Variants in ALKBH4 observed in about 807,000 individuals in gnomAD.
ALKBH4 encodes alpha-ketoglutarate-dependent dioxygenase alkB homolog 4.
In ALKBH4, 8 loss-of-function variants were observed where a neutral mutation model predicts 12.1. That is an observed-to-expected ratio of 0.66 (90% CI 0.39 to 1.19). ALKBH4 has a LOEUF of 1.19. ALKBH4 is among the 50% of genes most tolerant of loss of function. The pLI, the probability that ALKBH4 is intolerant of heterozygous loss-of-function variation, is 0.01. For synonymous variants in ALKBH4, 195 were observed against 191.6 expected, an observed-to-expected ratio of 1.02 and a Z score of -0.15; for missense variants, 403 against 430.4, an observed-to-expected ratio of 0.94 and a Z score of 0.56.
intron 1 of ALKBH4, among the ~76,000 whole-genome samples, chr7:102,461,894 C>T (rs550441836): frequency 6.6e-6 from 1 of 152,230 alleles, no homozygotes; most frequent in East Asian, 1.9e-4. Flanking sequence ...TCCTCTTCCT[C>T]TTCCATCTCC....
At chr7:102,461,195 G>C (rs1474051392) in intron 1 of ALKBH4, among the ~76,000 whole-genome samples, 15 of 151,936 alleles carry the variant, frequency 9.9e-5, no homozygotes, top group Admixed American at 9.8e-4. Context: ...AAACTAGCCG[G>C]GCGTCGTGGT....
intron 1 of ALKBH4, among the ~76,000 whole-genome samples, chr7:102,461,467 TCTC>T (rs1797792532): frequency 6.6e-6 from 1 of 152,024 alleles, no homozygotes; most frequent in African/African-American, 2.4e-5. Flanking sequence ...TTCAAGCGAT[TCTC>T]CTGCCTCAAC....
At position 102,464,851 on chromosome 7, in the gene ALKBH4, G is replaced by C; in HGVS notation, c.-15C>G. ...GCCGCCGCCATCGCGCCGTCCGCGT[G>C]GCCAGTGCGCAGGCGCGGCCGTGGG... On this transcript the variant is annotated 5_prime_UTR_variant, in exon 1 of 3. Coordinates refer to ENST00000292566, the MANE Select transcript of ALKBH4 (RefSeq NM_017621.4). The C allele has an allele frequency of 6.7e-7, 1 of 1,497,238 alleles. No individual in the cohort carries two copies. Among genetic ancestry groups the C allele is most frequent in the Non-Finnish European group, 8.9e-7 (1 of 1,128,482 alleles). 92.7% of individuals were successfully genotyped at this position (1,497,238 alleles called of 1,614,324 possible). A position where few individuals can be genotyped will look rare whatever the true frequency, so the allele number is the denominator to read the frequency against.
chr7:102,463,301 AT>A (rs1797843300), intron 1 of ALKBH4, among the ~76,000 whole-genome samples: 1 of 121,228 alleles, frequency 8.2e-6, no homozygotes, highest in South Asian at 2.6e-4. Context: ...TATGCACCAC[AT>A]TTTGTGGATC....
In ALKBH4 at chr7:102,457,695, A is replaced by G; in HGVS notation, c.608T>C (p.Leu203Pro). ...MCREAPGSLL[L>P]CSAPSAAPEA... ...CGGGGCAGCCGACGGGGCCGAGCAG[A>G]GGAGCAGGCTCCCGGGCGCCTCCCG... Residue 203 changes from leucine to proline, a missense_variant, in exon 3 of 3, where the codon CTC (leucine) becomes CCC (proline). Physicochemically the swap from Leu to Pro is moderately conservative, Grantham distance 98 (BLOSUM62 -3). Transcript: ENST00000292566. This position sits in a 1 kb window ranked among gnomAD's most constrained non-coding sequence, Gnocchi z 5.9. 1.5e-5 allele frequency: 24 copies of G among 1,557,112 alleles called. No individual in the cohort carries two copies. The highest frequency in any genetic ancestry group is 2.1e-5 in the Non-Finnish European group (24 of 1,155,758).
rs974837871 is a variant in ALKBH4 at position 102,457,340 on chromosome 7, T to C, written c.*54A>G. ...CCGTGAGTTGCAGGAGGCCCTGTTC[T>C]GTGCTCCTCATTTCAATCCCGGGAT... On this transcript the variant is annotated 3_prime_UTR_variant, in exon 3 of 3. Coordinates refer to ENST00000292566, the MANE Select transcript of ALKBH4 (RefSeq NM_017621.4). The surrounding 1 kb of genome is among the most constrained non-coding windows in gnomAD (Gnocchi z 5.9). 4.5e-6 allele frequency: 7 copies of C among 1,549,134 alleles called. No individual in the cohort carries two copies. Among genetic ancestry groups the C allele is most frequent in the Admixed American group, 3.5e-5 (2 of 57,692 alleles).
intron 1 of ALKBH4, 125 bp downstream of exon 1, chr7:102,464,589 C>T (rs1797893153): frequency 1.5e-6 from 2 of 1,346,374 alleles, no homozygotes; most frequent in Non-Finnish European, 1.9e-6. Context: ...CCTCACCCTG[C>T]ATCACCCCTA....
In ALKBH4 at chr7:102,457,587, C is replaced by G. The variant is rs754992172; in HGVS notation, c.716G>C (p.Arg239Pro). ...EVEVAIPLPA[R>P]SLLVLTGAAR... Reference sequence around the variant, plus strand: ...CGCCCCGGTGAGGACCAGCAGGGAGCGGGCGGGTAAGGGGATGGCCACCTC... The same window carrying G: ...CGCCCCGGTGAGGACCAGCAGGGAGGGGGCGGGTAAGGGGATGGCCACCTC... Residue 239 changes from arginine to proline, a missense_variant, in exon 3 of 3, where the codon CGC becomes CCC. Arg to Pro is a moderately radical substitution (Grantham distance 103). Coordinates refer to ENST00000292566, the MANE Select transcript of ALKBH4 (RefSeq NM_017621.4). The surrounding 1 kb of genome is among the most constrained non-coding windows in gnomAD (Gnocchi z 5.9). The G allele has an allele frequency of 6.2e-7, 1 of 1,605,932 alleles. No individual in the cohort carries two copies. Among genetic ancestry groups the G allele is most frequent in the South Asian group, 1.1e-5 (1 of 90,888 alleles).
chr7:102,462,855 CACA>C (rs1340273208), intron 1 of ALKBH4, among the ~76,000 whole-genome samples: 1 of 152,048 alleles, frequency 6.6e-6, no homozygotes, highest in Non-Finnish European at 1.5e-5. Context: ...ACGTAGCTCA[CACA>C]ACAGGAATCA....
Position 102,459,773 on chromosome 7 carries a change from T to C in ALKBH4, c.152A>G (p.Asp51Gly). The C allele has an allele frequency of 6.2e-7, 1 of 1,609,910 alleles. No individual in the cohort carries two copies. Among genetic ancestry groups the C allele is most frequent in the Non-Finnish European group, 8.5e-7 (1 of 1,178,204 alleles). The change falls in exon 2 of 3, where the codon GAC (aspartate) becomes GGC (glycine). Residue 51 changes from aspartate (D) to glycine (G), a missense_variant. By Grantham distance (94) the Asp-to-Gly change is moderately conservative (BLOSUM62 -1). Transcript: ENST00000292566. ...CTCTGTGCCCACGGCCCAGCCGGTG[T>C]CGGAGCAGTAAATGAAACGGTATGT... The part of the protein sequence containing the change: ...AKTYRFIYCS[D>G]TGWAVGTEES...
intron 1 of ALKBH4, among the ~76,000 whole-genome samples, chr7:102,462,822 C>T (rs1364407602): frequency 1.3e-5 from 2 of 152,326 alleles, no homozygotes; most frequent in East Asian, 3.9e-4. Context: ...AACCCTTCTA[C>T]TTTCTGTCCC....
rs1287580889 is a variant in ALKBH4, at chr7:102,457,577, C to T, written c.726G>A (p.Leu242=). The stretch of plus-strand genomic sequence containing the variant: ...GGTGCCGTGCCGCCCCGGTGAGGAC[C>T]AGCAGGGAGCGGGCGGGTAAGGGGA... ...VAIPLPARSL[L]VLTGAARHQW... Residue 242 remains leucine (L), a synonymous_variant, in exon 3 of 3, where the codon CTG becomes CTA. Coordinates refer to ENST00000292566, the MANE Select transcript of ALKBH4 (RefSeq NM_017621.4). The surrounding 1 kb of genome is among the most constrained non-coding windows in gnomAD (Gnocchi z 5.9). 3.1e-6 allele frequency: 5 copies of T among 1,608,476 alleles called. No homozygotes were observed. Among genetic ancestry groups the T allele is most frequent in the Non-Finnish European group, 4.2e-6 (5 of 1,179,594 alleles).
intron 1 of ALKBH4, among the ~76,000 whole-genome samples, chr7:102,464,236 C>T (rs953312691): frequency 1.3e-5 from 2 of 152,168 alleles, no homozygotes; most frequent in Non-Finnish European, 2.9e-5. Flanking sequence ...CTCTGTCGCC[C>T]AGGCTGAAGT....
Position 102,457,277 on chromosome 7 carries a change from C to T in ALKBH4, c.*117G>A. 1 of 1,226,784 alleles carries T rather than the reference C, an allele frequency of 8.2e-7. No individual in the cohort carries two copies. The allele number at this position is 1,226,784 out of a possible 1,614,324, so 76.0% of individuals were successfully genotyped here. The stretch of plus-strand genomic sequence containing the variant: ...CTGCTCCTGGGCAGGGCTCACACTG[C>T]TCACAGCATCAGGGGTCAGCCATCT... On this transcript the variant is annotated 3_prime_UTR_variant, in exon 3 of 3. Coordinates refer to ENST00000292566, the MANE Select transcript of ALKBH4 (RefSeq NM_017621.4). The surrounding 1 kb of genome is among the most constrained non-coding windows in gnomAD (Gnocchi z 5.9).
rs183857380 is a variant in ALKBH4, at chr7:102,464,225, G to C, written c.123+489C>G. Among the ~76,000 whole-genome samples, 118 of 152,152 alleles carry C rather than the reference G, an allele frequency of 7.8e-4. 1 individual carries two copies. Among genetic ancestry groups the C allele is most frequent in the African/African-American group, 2.8e-3 (117 of 41,492 alleles). On this transcript the variant is annotated intron_variant, in intron 1 of 2. Transcript: ENST00000292566. ...TTTTCTTTTTGTGAGACAGAGTCTC[G>C]CTCTGTCGCCCAGGCTGAAGTGAGG...
intron 1 of ALKBH4, among the ~76,000 whole-genome samples, chr7:102,462,448 GC>G (rs1479380761): frequency 6.6e-6 from 1 of 152,000 alleles, no homozygotes; most frequent in African/African-American, 2.4e-5. Context: ...GCTCACTGCA[GC>G]CTTGACCTCC....
At chr7:102,459,945 G>C in intron 1 of ALKBH4, 144 bp from the exon 2 acceptor site, 1 of 665,900 alleles carries the variant, frequency 1.5e-6, no homozygotes, top group Non-Finnish European at 2.4e-6. Context: ...CCTGAGGTCA[G>C]GAGTTCAAGA....
chr7:102,464,121 G>A (rs1250929363), intron 1 of ALKBH4, among the ~76,000 whole-genome samples: 1 of 151,942 alleles, frequency 6.6e-6, no homozygotes. Flanking sequence ...CAGTTTTCTG[G>A]GTTGGAATGC....
chr7:102,462,368 T>C (rs182138148), intron 1 of ALKBH4, among the ~76,000 whole-genome samples: 1 of 149,164 alleles, frequency 6.7e-6, no homozygotes, highest in Non-Finnish European at 1.5e-5. Flanking sequence ...GCAATTTTTT[T>C]CTTTTCTTTT....
Sources: allele counts gnomAD v4.1 joint callset (sites outside exome capture counted in the v4.1 genomes callset), GRCh38; gene constraint gnomAD v4.1.1; non-coding constraint Gnocchi (gnomAD v3.1); transcripts MANE v1.5; gene names NCBI Gene and HGNC (gene_info 2026-07-23, HGNC 2026-07-21).